The following ADSL variants were observed in gnomAD, a reference collection of about 807,000 sequenced individuals.
The protein encoded by ADSL is adenylosuccinate lyase, also known as adenylosuccinase.
In ADSL, 44 loss-of-function variants were observed where a neutral mutation model predicts 62.1. That is an observed-to-expected ratio of 0.71 (90% CI 0.56 to 0.91). The LOEUF is 0.91. Ranked by LOEUF, ADSL falls within the 40% of genes least tolerant of loss-of-function variation. The probability of loss-of-function intolerance (pLI) is 0.00; values close to 1 mark genes in which losing one functional copy is unlikely to be tolerated. For missense variants in ADSL, 531 were observed against 627.4 expected, an observed-to-expected ratio of 0.85 and a Z score of 1.64; for synonymous variants, 198 against 220.5, an observed-to-expected ratio of 0.90 and a Z score of 0.90.
intron 6 of ADSL, among the ~76,000 whole-genome samples, 181 bp from the exon 7 acceptor site, chr22:40,360,221 G>A (rs1310215482): frequency 2.6e-5 from 4 of 152,198 alleles, no homozygotes; most frequent in Non-Finnish European, 2.9e-5. Context: ...GTTTGACAGA[G>A]TCATGTTTTG....
downstream of ADSL, among the ~76,000 whole-genome samples, chr22:40,370,207 T>G (rs2045169036): frequency 6.6e-6 from 1 of 151,528 alleles, no homozygotes; most frequent in Non-Finnish European, 1.5e-5. Flanking sequence ...TACAAAAAAA[T>G]TAGCTGGGCG....
In ADSL at chr22:40,366,962, GA is replaced by G. The variant is rs2045024863; in HGVS notation, c.*442del. On this transcript the variant is annotated 3_prime_UTR_variant, in exon 13 of 13. Coordinates refer to ENST00000623063, the MANE Select transcript of ADSL (RefSeq NM_000026.4). The stretch of plus-strand genomic sequence containing the variant: ...TGGCTAGTATAAGTGATGAAGTTTG[GA>G]ACTACAGTAAATACTTAAAAAAAAA... 1 of 161,660 alleles carries G rather than the reference GA, an allele frequency of 6.2e-6. No individual in the cohort carries two copies. Among genetic ancestry groups the G allele is most frequent in the Non-Finnish European group, 1.3e-5 (1 of 75,948 alleles). 10.0% of individuals were successfully genotyped at this position (161,660 alleles called of 1,614,324 possible).
At chr22:40,384,051 C>T (rs2048026828) in intron 2 of ADSL, among the ~76,000 whole-genome samples, 1 of 152,046 alleles carries the variant, frequency 6.6e-6, no homozygotes, top group Admixed American at 6.6e-5. Flanking sequence ...GAGTTCAAGA[C>T]CTTCCTGGGC....
In ADSL at chr22:40,367,642, T is replaced by A. The variant is rs1043782913; in HGVS notation, c.*1120T>A. 1 of 167,152 alleles carries A rather than the reference T, an allele frequency of 6.0e-6. No homozygotes were observed. 10.4% of individuals were successfully genotyped at this position (167,152 alleles called of 1,614,324 possible). On this transcript the variant is annotated 3_prime_UTR_variant, in exon 13 of 13. Transcript: ENST00000623063. ...GATTGAAGCAACTGTAGCCAAAGAT[T>A]GAGTTAATTACCTACCTGCCAGGAG...
intron 2 of ADSL, among the ~76,000 whole-genome samples, chr22:40,375,666 A>AT (rs34846503): frequency 0.27 from 39,162 of 147,628 alleles, 6,313 homozygotes; most frequent in Admixed American, 0.45. Context: ...AAGACAGAGA[A>AT]TTTTTTTTTT....
intron 2 of ADSL, chr22:40,387,430 GTTTAA>G (rs2048657554): frequency 1.6e-5 from 6 of 376,426 alleles, no homozygotes; most frequent in Admixed American, 9.0e-5. Context: ...GACCTGTGTA[GTTTAA>G]TTATATGAAA....
At chr22:40,379,611 A>G (rs1277260270) in intron 2 of ADSL, 1 of 152,236 alleles carries the variant, frequency 6.6e-6, no homozygotes, top group African/African-American at 2.4e-5. Flanking sequence ...CATATCCCTC[A>G]GTGAGTTATT....
At position 40,346,524 on chromosome 22, in the gene ADSL, G is replaced by C. The variant is rs750649096; in HGVS notation, c.-35G>C. The C allele has an allele frequency of 6.3e-7, 1 of 1,587,726 alleles. No homozygotes were observed. The highest frequency in any genetic ancestry group is 8.5e-7 in the Non-Finnish European group (1 of 1,171,092). On this transcript the variant is annotated 5_prime_UTR_variant, in exon 1 of 13. Transcript: ENST00000623063. ...CAGGTTTCCGCTTCCGCTCTTCCCT[G>C]GTCCAGTCCACCCTGGCGGGGTCGC... is the stretch of plus-strand genomic sequence containing the variant.
At chr22:40,369,646 GCA>G (rs1466220100), downstream of ADSL, among the ~76,000 whole-genome samples, 2 of 151,934 alleles carry the variant, frequency 1.3e-5, no homozygotes, top group Non-Finnish European at 1.5e-5. Flanking sequence ...TGGGACTATG[GCA>G]CACACAACCA....
chr22:40,360,484 G>T lies in ADSL; in HGVS notation c.784G>T (p.Val262Leu). ...LSVLASLGAS[V>L]HKICTDIRLL... ...TGTGCTGGCTAGCTTGGGGGCATCA[G>T]TGCACAAGGTGAGTGGTGGCAGCAT... Residue 262 changes from valine to leucine, a missense_variant, in exon 7 of 13, where the codon GTG becomes TTG. This residue lies in a region of ADSL where 471 missense variants were observed against 592.9 expected (regional missense o/e 0.79). Transcript: ENST00000623063. 1 of 1,613,934 alleles carries T rather than the reference G, an allele frequency of 6.2e-7. No individual in the cohort carries two copies. Among genetic ancestry groups the T allele is most frequent in the Non-Finnish European group, 8.5e-7 (1 of 1,179,796 alleles).
chr22:40,361,101 G>A, intron 7 of ADSL, 172 bp from the exon 8 acceptor site: 1 of 743,596 alleles, frequency 1.3e-6, no homozygotes, highest in South Asian at 1.4e-5. Flanking sequence ...TTCGGGAACA[G>A]AGAGGAGTCG....
intron 8 of ADSL, 40 bp from the exon 9 acceptor site, chr22:40,361,448 C>T (rs770130526): frequency 2.4e-5 from 38 of 1,613,960 alleles, no homozygotes; most frequent in Non-Finnish European, 3.2e-5. Context: ...CCTCTGAAGT[C>T]TCTCTGCCTT....
intron 2 of ADSL, among the ~76,000 whole-genome samples, chr22:40,350,808 G>C (rs1427346293): frequency 6.6e-6 from 1 of 151,762 alleles, no homozygotes; most frequent in Non-Finnish European, 1.5e-5. Flanking sequence ...TTTTAGTAGA[G>C]AGGGGTTTTG....
chr22:40,386,507 T>C (rs1194777910), intron 2 of ADSL, among the ~76,000 whole-genome samples: 2 of 151,712 alleles, frequency 1.3e-5, no homozygotes, highest in East Asian at 3.9e-4. Flanking sequence ...CAGAGACTTC[T>C]GGTCTGGCTA....
At chr22:40,361,735 T>C in intron 9 of ADSL, 100 bp downstream of exon 9, 1 of 1,485,880 alleles carries the variant, frequency 6.7e-7, no homozygotes, top group Non-Finnish European at 9.2e-7. Flanking sequence ...ACAGTCTCCT[T>C]ATCCCCAAGG....
intron 5 of ADSL, 80 bp from the exon 6 acceptor site, chr22:40,359,180 G>C: frequency 6.3e-7 from 1 of 1,588,398 alleles, no homozygotes; most frequent in Admixed American, 1.7e-5. Context: ...TAGGGAGCGA[G>C]ACCTGGGTAG....
intron 2 of ADSL, among the ~76,000 whole-genome samples, chr22:40,381,809 A>G (rs747585745): frequency 6.6e-5 from 10 of 152,048 alleles, no homozygotes; most frequent in Non-Finnish European, 1.0e-4. Context: ...ATATACAAAA[A>G]ACTAGCCAGG....
downstream of ADSL, among the ~76,000 whole-genome samples, chr22:40,372,290 A>C (rs1244220677): frequency 4.0e-5 from 6 of 151,310 alleles, no homozygotes; most frequent in Non-Finnish European, 8.8e-5. Flanking sequence ...CCACACCCGG[A>C]TAATTTTTTG....
downstream of ADSL, among the ~76,000 whole-genome samples, chr22:40,372,122 C>CTTTTTTTTTT (rs58396730): frequency 4.6e-5 from 3 of 65,200 alleles, no homozygotes; most frequent in Non-Finnish European, 8.0e-5. Context: ...TCCCCCCCCC[C>CTTTTTTTTTT]TTTTTTTTTT....
Sources: allele counts gnomAD v4.1 joint callset (sites outside exome capture counted in the v4.1 genomes callset), GRCh38; gene constraint gnomAD v4.1.1; regional missense constraint gnomAD v4.1.1; transcripts MANE v1.5; gene names NCBI Gene and HGNC (gene_info 2026-07-23, HGNC 2026-07-21).